The following GHR variants were observed in gnomAD, a reference collection of about 807,000 sequenced individuals.
GHR encodes the protein GH receptor.
In GHR, 35 loss-of-function variants were observed where a neutral mutation model predicts 67.1. The observed-to-expected ratio is 0.52, with a 90% CI of 0.40 to 0.69. The LOEUF is 0.69. Ranked by LOEUF, GHR falls within the 30% of genes least tolerant of loss-of-function variation. GHR has a pLI of 0.00. For synonymous variants in GHR, 272 were observed against 269.1 expected, an observed-to-expected ratio of 1.01 and a Z score of -0.10; for missense variants, 792 against 764.6, an observed-to-expected ratio of 1.04 and a Z score of -0.42.
intron 1 of GHR, among the ~76,000 whole-genome samples, chr5:42,447,496 T>A (rs191175372): frequency 1.3e-5 from 2 of 152,288 alleles, no homozygotes; most frequent in Admixed American, 1.3e-4. Flanking sequence ...ATGGTATATA[T>A]ATATCACATT....
chr5:42,470,953 T>C (rs1286871526), intron 1 of GHR, among the ~76,000 whole-genome samples: 1 of 152,148 alleles, frequency 6.6e-6, no homozygotes. Flanking sequence ...GCTGTAATTA[T>C]TTTGAAAAAA....
At chr5:42,649,446 C>A (rs1271634389) in intron 3 of GHR, among the ~76,000 whole-genome samples, 2 of 151,844 alleles carry the variant, frequency 1.3e-5, no homozygotes, top group Non-Finnish European at 2.9e-5. Context: ...AAACAAAATA[C>A]CTTAATGAAT....
chr5:42,467,052 A>G, intron 1 of GHR: 1 of 1,576,310 alleles, frequency 6.3e-7, no homozygotes, highest in Non-Finnish European at 8.7e-7. Flanking sequence ...TACACATGTA[A>G]GGTTTTTCTC....
intron 2 of GHR, among the ~76,000 whole-genome samples, chr5:42,576,067 A>AATAAAATAAAATAAG (rs1750666100): frequency 2.3e-5 from 2 of 87,748 alleles, no homozygotes; most frequent in Admixed American, 2.2e-4. Flanking sequence ...AATAAAATAA[A>AATAAAATAAAATAAG]ATAAAATAAA....
chr5:42,424,622 G>T lies in GHR; in HGVS notation c.-12+667G>T, dbSNP rs1473522092. The T allele has an allele frequency of 2.0e-6, 3 of 1,531,496 alleles. No individual in the cohort carries two copies. The highest frequency in any genetic ancestry group is 2.6e-6 in the Non-Finnish European group (3 of 1,143,196). The allele number at this position is 1,531,496 out of a possible 1,614,324, so 94.9% of individuals were successfully genotyped here. On this transcript the variant is annotated intron_variant, in intron 1 of 9. Coordinates refer to ENST00000230882, the MANE Select transcript of GHR (RefSeq NM_000163.5). This position sits in a 1 kb window ranked among gnomAD's most constrained non-coding sequence, Gnocchi z 4.1. ...GGGTAAGTGGAAATTGTGGCGAGCC[G>T]ACCTCCCCCAGCTTTTGACACACTA...
At chr5:42,479,840 C>T (rs1372758616) in intron 1 of GHR, among the ~76,000 whole-genome samples, 1 of 152,136 alleles carries the variant, frequency 6.6e-6, no homozygotes, top group Non-Finnish European at 1.5e-5. Context: ...AAACCAGCTC[C>T]TGGATTCATT....
At chr5:42,550,050 A>G in intron 1 of GHR, 1 of 950,976 alleles carries the variant, frequency 1.1e-6, no homozygotes, top group Non-Finnish European at 1.3e-6. Flanking sequence ...CGCACTTGTT[A>G]TGATTTGTTT....
At chr5:42,538,372 C>G (rs1429790360) in intron 1 of GHR, among the ~76,000 whole-genome samples, 1 of 152,174 alleles carries the variant, frequency 6.6e-6, no homozygotes, top group Non-Finnish European at 1.5e-5. Flanking sequence ...GCTGGCTTGG[C>G]AGGGGCCAAT....
chr5:42,569,353 T>C (rs1303532981), intron 2 of GHR, among the ~76,000 whole-genome samples: 1 of 152,206 alleles, frequency 6.6e-6, no homozygotes, highest in Non-Finnish European at 1.5e-5. Context: ...GGGTGTGTGG[T>C]ACATAGGTGC....
chr5:42,557,382 A>G (rs1749368042), intron 1 of GHR, among the ~76,000 whole-genome samples: 1 of 152,194 alleles, frequency 6.6e-6, no homozygotes, highest in Admixed American at 6.5e-5. Flanking sequence ...TCTTCATGAT[A>G]TATAAATGAG....
At chr5:42,612,658 A>G (rs1244268710) in intron 2 of GHR, among the ~76,000 whole-genome samples, 1 of 152,172 alleles carries the variant, frequency 6.6e-6, no homozygotes, top group Non-Finnish European at 1.5e-5. Context: ...AACAAAGAGT[A>G]TAAACAAAGA....
At chr5:42,558,355 T>C (rs965151023) in intron 1 of GHR, among the ~76,000 whole-genome samples, 2 of 152,242 alleles carry the variant, frequency 1.3e-5, no homozygotes, top group Non-Finnish European at 2.9e-5. Context: ...ATTTTTGTTA[T>C]GAAAGCAAAT....
chr5:42,599,425 C>A (rs1561156932), intron 2 of GHR, among the ~76,000 whole-genome samples: 1 of 145,354 alleles, frequency 6.9e-6, no homozygotes, highest in Admixed American at 7.0e-5. Flanking sequence ...TGCAGTGGCA[C>A]AATCTCAGCT....
chr5:42,479,204 T>C (rs1745491117), intron 1 of GHR, among the ~76,000 whole-genome samples: 1 of 152,266 alleles, frequency 6.6e-6, no homozygotes. Context: ...TTTGCATATG[T>C]TGAACCAGCC....
At chr5:42,667,235 A>G (rs1756033313) in intron 3 of GHR, among the ~76,000 whole-genome samples, 1 of 152,148 alleles carries the variant, frequency 6.6e-6, no homozygotes, top group African/African-American at 2.4e-5. Flanking sequence ...CACCCACAAG[A>G]GTGGCTTTTG....
At chr5:42,576,046 T>TAATAAAATAATAAAATAA in intron 2 of GHR, among the ~76,000 whole-genome samples, 1 of 55,892 alleles carries the variant, frequency 1.8e-5, no homozygotes, top group African/African-American at 6.8e-5. Flanking sequence ...AAAATTAAAA[T>TAATAAAATAATAAAATAA]AATAAAATAA....
At chr5:42,481,583 A>G (rs1276172662) in intron 1 of GHR, among the ~76,000 whole-genome samples, 1 of 150,942 alleles carries the variant, frequency 6.6e-6, no homozygotes, top group Non-Finnish European at 1.5e-5. Context: ...GGCTTTGTTC[A>G]TTTCTTTTTA....
At chr5:42,667,648 G>T (rs947818460) in intron 3 of GHR, among the ~76,000 whole-genome samples, 1 of 152,160 alleles carries the variant, frequency 6.6e-6, no homozygotes, top group Admixed American at 6.6e-5. Context: ...TTAGAAGGAG[G>T]CCTTAGCTAG....
intron 2 of GHR, among the ~76,000 whole-genome samples, chr5:42,575,703 G>A (rs1194185847): frequency 6.6e-6 from 1 of 151,672 alleles, no homozygotes; most frequent in Non-Finnish European, 1.5e-5. Flanking sequence ...CTGGGTGTGG[G>A]AGTGAAACCA....
Sources: allele counts gnomAD v4.1 joint callset (sites outside exome capture counted in the v4.1 genomes callset), GRCh38; gene constraint gnomAD v4.1.1; non-coding constraint Gnocchi (gnomAD v3.1); transcripts MANE v1.5; gene names NCBI Gene and HGNC (gene_info 2026-07-23, HGNC 2026-07-21).